PTPRO: variants seen among roughly 807,000 people sequenced by gnomAD.
PTPRO encodes the protein protein tyrosine phosphatase receptor type O.
A neutral mutation model predicts 145.2 loss-of-function variants in PTPRO; 62 were observed. The observed-to-expected ratio is 0.43, with a 90% CI of 0.35 to 0.53. The LOEUF (loss-of-function observed/expected upper bound fraction) is 0.53. Ranked by LOEUF, PTPRO falls within the 20% of genes least tolerant of loss-of-function variation. The pLI is 0.01. For missense variants in PTPRO, 1,345 were observed against 1,482.7 expected (o/e 0.91, Z 1.53); for synonymous variants, 565 against 514.7 (o/e 1.10, Z -1.32).
chr12:15,483,587 C>T (rs1257493645), intron 1 of PTPRO, among the ~76,000 whole-genome samples: 2 of 152,104 alleles, frequency 1.3e-5, no homozygotes, highest in African/African-American at 4.8e-5. Flanking sequence ...CTTCTTTAAA[C>T]CATGTAACTT....
rs1159591887 is a variant in PTPRO at position 15,501,569 on chromosome 12, A to T, written c.662-51A>T. 4 of 1,487,708 alleles carry T rather than the reference A, an allele frequency of 2.7e-6. No homozygotes were observed. In the East Asian group the frequency reaches 9.1e-5, roughly 34 times the overall value. The allele number at this position is 1,487,708 out of a possible 1,614,324, so 92.2% of individuals were successfully genotyped here. ...TGACTCATTAAGAGATTAAGTATTC[A>T]CTCTAATTGAATTAAAAAATACTTG... On this transcript the variant is annotated intron_variant, in intron 4 of 26. Transcript: ENST00000281171.
chr12:15,450,117 G>C (rs1482277665), intron 1 of PTPRO, among the ~76,000 whole-genome samples: 1 of 151,926 alleles, frequency 6.6e-6, no homozygotes, highest in African/African-American at 2.4e-5. Context: ...TATTATATTT[G>C]CTAGTTCTCT....
intron 1 of PTPRO, among the ~76,000 whole-genome samples, chr12:15,408,292 C>G (rs1400727066): frequency 6.6e-6 from 1 of 152,090 alleles, no homozygotes; most frequent in Non-Finnish European, 1.5e-5. Context: ...GCTGCATTAT[C>G]AAGTATCTCT....
At chr12:15,486,263 T>C (rs1333777283) in intron 2 of PTPRO, among the ~76,000 whole-genome samples, 1 of 152,224 alleles carries the variant, frequency 6.6e-6, no homozygotes, top group Non-Finnish European at 1.5e-5. Context: ...GTCTTCTTGA[T>C]AAACTGACCC....
At chr12:15,360,000 C>G (rs1254269963) in intron 1 of PTPRO, among the ~76,000 whole-genome samples, 6 of 152,092 alleles carry the variant, frequency 3.9e-5, no homozygotes, top group Admixed American at 1.3e-4. Context: ...GTTCTTCAGC[C>G]CAAGTGGTTA....
At chr12:15,463,864 G>T (rs186966293) in intron 1 of PTPRO, among the ~76,000 whole-genome samples, 1 of 152,298 alleles carries the variant, frequency 6.6e-6, no homozygotes. Flanking sequence ...TGACACAGGA[G>T]GGGTAGGCTG....
chr12:15,536,712 A>G (rs1032259225), intron 12 of PTPRO, among the ~76,000 whole-genome samples: 1 of 152,216 alleles, frequency 6.6e-6, no homozygotes, highest in Non-Finnish European at 1.5e-5. Flanking sequence ...ATATGACCAT[A>G]CATCCCTGTT....
intron 14 of PTPRO, 125 bp from the exon 15 acceptor site, chr12:15,551,426 A>G (rs1040370505): frequency 3.0e-5 from 37 of 1,250,208 alleles, no homozygotes; most frequent in Non-Finnish European, 4.3e-5. Context: ...GGGGAACATG[A>G]TTGTTACTAT....
intron 19 of PTPRO, among the ~76,000 whole-genome samples, chr12:15,577,446 A>G (rs1944211373): frequency 6.6e-6 from 1 of 152,232 alleles, no homozygotes; most frequent in African/African-American, 2.4e-5. Flanking sequence ...CACAAAGGGC[A>G]TGAAACAGAT....
In PTPRO at chr12:15,546,297, A is replaced by G. The variant is rs559256828; in HGVS notation, c.2165-272A>G. The G allele has an allele frequency of 2.2e-5, 27 of 1,239,074 alleles. No individual in the cohort carries two copies. The African/African-American group carries it at 4.1e-4, about 19-fold the overall frequency. The allele number at this position is 1,239,074 out of a possible 1,614,324, so 76.8% of individuals were successfully genotyped here. Reference sequence around the variant, plus strand: ...AGTATAAATGACACAGAAACTATTAATAGATTATGACTATGATGAAACTGA... The same window carrying G: ...AGTATAAATGACACAGAAACTATTAGTAGATTATGACTATGATGAAACTGA... On this transcript the variant is annotated intron_variant, in intron 12 of 26. Transcript: ENST00000281171.
At chr12:15,551,715 A>T (rs1943466218) in intron 15 of PTPRO, 44 bp downstream of exon 15, 1 of 1,594,594 alleles carries the variant, frequency 6.3e-7, no homozygotes, top group Non-Finnish European at 8.6e-7. Flanking sequence ...TCTTTAAAAT[A>T]TCTTTATCTG....
chr12:15,370,819 C>T (rs1223098057), intron 1 of PTPRO, among the ~76,000 whole-genome samples: 1 of 151,986 alleles, frequency 6.6e-6, no homozygotes, highest in Non-Finnish European at 1.5e-5. Context: ...TTGTTAAAAG[C>T]AAATGCAATT....
chr12:15,515,214 A>G (rs1367297666), intron 7 of PTPRO, among the ~76,000 whole-genome samples: 4 of 152,210 alleles, frequency 2.6e-5, no homozygotes, highest in Non-Finnish European at 5.9e-5. Context: ...GATTATGGTT[A>G]GAGGCTGATG....
Position 15,581,753 on chromosome 12 carries a change from A to G in PTPRO, c.3207A>G (p.Ser1069=). Residue 1069 remains serine, a synonymous_variant, in exon 23 of 27, where the codon TCA becomes TCG. Coordinates refer to ENST00000281171, the MANE Select transcript of PTPRO (RefSeq NM_030667.3). ...AYGDITVEMI[S]EEEQDDWACR... ...GAGACATCACTGTGGAGATGATTTC[A>G]GAGGAAGAGCAGGACGACTGGGCCT... The G allele has an allele frequency of 6.2e-7, 1 of 1,614,052 alleles. No homozygotes were observed. The highest frequency in any genetic ancestry group is 8.5e-7 in the Non-Finnish European group (1 of 1,179,952).
intron 1 of PTPRO, among the ~76,000 whole-genome samples, chr12:15,405,528 G>A (rs1591782313): frequency 6.6e-6 from 1 of 152,062 alleles, no homozygotes; most frequent in East Asian, 1.9e-4. Context: ...AATACAAATG[G>A]GAAAAGGCAT....
chr12:15,578,789 G>GC, intron 19 of PTPRO, 64 bp from the exon 20 acceptor site: 1 of 895,348 alleles, frequency 1.1e-6, no homozygotes, highest in East Asian at 2.9e-5. Context: ...CAATAAACCA[G>GC]TTGAACAATA....
intron 2 of PTPRO, among the ~76,000 whole-genome samples, chr12:15,488,195 A>G (rs1041908935): frequency 9.8e-5 from 15 of 152,334 alleles, no homozygotes; most frequent in African/African-American, 3.4e-4. Flanking sequence ...AAGAGAAAAC[A>G]CGTATTGATT....
intron 15 of PTPRO, among the ~76,000 whole-genome samples, chr12:15,555,571 A>G (rs1030023077): frequency 1.6e-4 from 24 of 152,212 alleles, no homozygotes; most frequent in Admixed American, 1.2e-3. Flanking sequence ...GGAAGTGTGC[A>G]GTAAATGTTA....
At chr12:15,584,553 T>G (rs976089867) in intron 23 of PTPRO, among the ~76,000 whole-genome samples, 7 of 152,218 alleles carry the variant, frequency 4.6e-5, no homozygotes, top group African/African-American at 1.7e-4. Flanking sequence ...TGTGAAGGAC[T>G]TGAAAAATAG....
Sources: gnomAD v4.1 joint callset for allele counts (sites outside exome capture counted in the v4.1 genomes callset) on GRCh38, gnomAD v4.1.1 for gene constraint, MANE v1.5 for transcripts, NCBI Gene and HGNC (gene_info 2026-07-23, HGNC 2026-07-21) for gene names.